EIF2AK2: variants seen among roughly 807,000 people sequenced by gnomAD.
The protein encoded by EIF2AK2 is eukaryotic translation initiation factor 2 alpha kinase 2.
EIF2AK2 carries 40 observed loss-of-function variants against 70.5 expected under a neutral mutation model. The observed-to-expected ratio is 0.57, with a 90% CI of 0.44 to 0.74. The LOEUF is 0.74. Among genes scored for constraint, EIF2AK2 ranks in the 30% least tolerant of loss-of-function variants. The probability of loss-of-function intolerance (pLI) is 0.00; values close to 1 mark genes in which losing one functional copy is unlikely to be tolerated. For missense variants in EIF2AK2, 555 were observed against 644.3 expected (o/e 0.86, Z 1.50); for synonymous variants, 198 against 220.9 (o/e 0.90, Z 0.92).
chr2:37,120,526 GAAAA>G (rs1171358440), intron 12 of EIF2AK2, among the ~76,000 whole-genome samples: 3 of 35,944 alleles, frequency 8.3e-5, no homozygotes, highest in African/African-American at 2.8e-4. Flanking sequence ...AAAAAAAAAA[GAAAA>G]AAAAAGAACC....
Position 37,120,783 on chromosome 2 carries a change from C to A in EIF2AK2, c.1068-644G>T, listed in dbSNP as rs936660423. On this transcript the variant is annotated intron_variant, in intron 12 of 16. Coordinates refer to ENST00000233057, the MANE Select transcript of EIF2AK2 (RefSeq NM_001135651.3). ...TTTGAGACCAGCCTGGGCAGCATGG[C>A]GAAACCCCATCTCTACTAAAAACAC... Among the ~76,000 whole-genome samples the A allele has an allele frequency of 2.0e-5, 3 of 147,370 alleles. No homozygotes were observed. In the Admixed American group the frequency reaches 2.1e-4, roughly 10 times the overall value.
chr2:37,131,368 C>A (rs999059300), intron 10 of EIF2AK2, among the ~76,000 whole-genome samples: 1 of 152,200 alleles, frequency 6.6e-6, no homozygotes, highest in Non-Finnish European at 1.5e-5. Flanking sequence ...TTTACAAAAC[C>A]TGGCCCCTTT....
intron 1 of EIF2AK2, chr2:37,149,273 G>T (rs1294107795): frequency 1.9e-6 from 2 of 1,053,562 alleles, no homozygotes; most frequent in Admixed American, 1.7e-5. Context: ...ATTGAAGGAG[G>T]AGAAATAATT....
chr2:37,111,138 G>A (rs1674129090), intron 14 of EIF2AK2, among the ~76,000 whole-genome samples: 1 of 152,180 alleles, frequency 6.6e-6, no homozygotes, highest in Non-Finnish European at 1.5e-5. Context: ...TAGTTGATTG[G>A]GCTGTAGGGA....
intron 12 of EIF2AK2, among the ~76,000 whole-genome samples, chr2:37,120,446 G>A (rs149742008): frequency 0.02 from 2,889 of 145,152 alleles, 103 homozygotes; most frequent in African/African-American, 0.071. Context: ...GGCGGAGCTT[G>A]CAGTGAGCCG....
In EIF2AK2 at chr2:37,131,471, A is replaced by T. The variant is rs551125457; in HGVS notation, c.785+4013T>A. Among the ~76,000 whole-genome samples the T allele has an allele frequency of 2.0e-5, 3 of 152,254 alleles. No individual in the cohort carries two copies. The East Asian group carries it at 5.8e-4, about 29-fold the overall frequency. On this transcript the variant is annotated intron_variant, in intron 10 of 16. Transcript: ENST00000233057. ...TTCAGGTGTTTTCTTCTCACAGTCT[A>T]TAAGATATGCTCAGCCATAAGGCGC...
At chr2:37,124,345 TC>T (rs1674659390) in intron 11 of EIF2AK2, among the ~76,000 whole-genome samples, 1 of 152,074 alleles carries the variant, frequency 6.6e-6, no homozygotes, top group African/African-American at 2.4e-5. Flanking sequence ...CACTGCAACC[TC>T]CGCCTCCTGG....
At chr2:37,149,148 G>C (rs2254958) in intron 1 of EIF2AK2, 125 bp from the exon 2 acceptor site, 1 of 949,794 alleles carries the variant, frequency 1.1e-6, no homozygotes, top group African/African-American at 1.6e-5. Context: ...GATGGACCTC[G>C]ATGCCTCGAT....
At chr2:37,128,865 C>T (rs1390452388) in intron 10 of EIF2AK2, among the ~76,000 whole-genome samples, 4 of 152,274 alleles carry the variant, frequency 2.6e-5, no homozygotes, top group African/African-American at 9.6e-5. Flanking sequence ...TGTCTCCTCA[C>T]GGGCATGGAC....
At chr2:37,151,183 C>G (rs1675728000) in intron 1 of EIF2AK2, among the ~76,000 whole-genome samples, 1 of 152,052 alleles carries the variant, frequency 6.6e-6, no homozygotes, top group Non-Finnish European at 1.5e-5. Context: ...AGAATATTTA[C>G]AAATCATATA....
chr2:37,126,257 C>A, intron 11 of EIF2AK2, 32 bp downstream of exon 11: 1 of 1,552,842 alleles, frequency 6.4e-7, no homozygotes, highest in South Asian at 1.2e-5. Flanking sequence ...CGTACCTTGC[C>A]ATTCAAAAAA....
chr2:37,140,088 A>C (rs1450364965), intron 5 of EIF2AK2, among the ~76,000 whole-genome samples: 2 of 152,150 alleles, frequency 1.3e-5, no homozygotes, highest in Admixed American at 6.5e-5. Flanking sequence ...GGTAGAAAAG[A>C]AAGAAAGAGA....
chr2:37,137,158 G>C (rs1675157077), intron 8 of EIF2AK2, 141 bp from the exon 9 acceptor site: 1 of 580,876 alleles, frequency 1.7e-6, no homozygotes, highest in Admixed American at 3.8e-5. Context: ...ATCAAGCCCT[G>C]TATCAACACT....
At chr2:37,117,665 T>C (rs1674393018) in intron 13 of EIF2AK2, among the ~76,000 whole-genome samples, 1 of 152,224 alleles carries the variant, frequency 6.6e-6, no homozygotes, top group African/African-American at 2.4e-5. Flanking sequence ...GGAACAGGAC[T>C]GATGCTCAGG....
chr2:37,119,884 G>T, intron 13 of EIF2AK2, 75 bp downstream of exon 13: 2 of 888,892 alleles, frequency 2.2e-6, no homozygotes, highest in Non-Finnish European at 2.9e-6. Context: ...GAGCCACTGT[G>T]CCCAGCTGAG....
chr2:37,155,730 C>T (rs1185012418), intron 1 of EIF2AK2, among the ~76,000 whole-genome samples: 1 of 152,076 alleles, frequency 6.6e-6, no homozygotes, highest in African/African-American at 2.4e-5. Context: ...ACTTCCTTTC[C>T]AGCAGACTAC....
intron 1 of EIF2AK2, among the ~76,000 whole-genome samples, chr2:37,156,701 G>C (rs1156877450): frequency 6.6e-6 from 1 of 152,140 alleles, no homozygotes; most frequent in Non-Finnish European, 1.5e-5. Context: ...CCTGGATTTG[G>C]GGAGGGCCCC....
intron 14 of EIF2AK2, among the ~76,000 whole-genome samples, chr2:37,113,974 G>C (rs541264961): frequency 6.6e-6 from 1 of 152,106 alleles, no homozygotes; most frequent in South Asian, 2.1e-4. Flanking sequence ...GATTATCACA[G>C]AATTATTTGT....
At chr2:37,143,331 T>C (rs896963192) in intron 4 of EIF2AK2, among the ~76,000 whole-genome samples, 1 of 152,180 alleles carries the variant, frequency 6.6e-6, no homozygotes, top group Non-Finnish European at 1.5e-5. Context: ...TTCATAAACA[T>C]TGTCTGCTGA....
Sources: allele counts gnomAD v4.1 joint callset (sites outside exome capture counted in the v4.1 genomes callset), GRCh38; gene constraint gnomAD v4.1.1; transcripts MANE v1.5; gene names NCBI Gene and HGNC (gene_info 2026-07-23, HGNC 2026-07-21).